Variants in TTC17 observed in about 807,000 individuals in gnomAD.
TTC17 encodes the protein tetratricopeptide repeat domain 17, also known as tetratricopeptide repeat protein 17.
TTC17 carries 58 observed loss-of-function variants against 143.8 expected under a neutral mutation model. The observed-to-expected ratio is 0.40, with a 90% CI of 0.33 to 0.50. The LOEUF (loss-of-function observed/expected upper bound fraction) is 0.50, where lower values mean the gene tolerates loss of function less well. TTC17 is among the 20% of genes least tolerant of loss of function. The pLI is 0.49. For missense variants in TTC17, 1,273 were observed against 1,392.5 expected (o/e 0.91, Z 1.37); for synonymous variants, 501 against 497.8 (o/e 1.01, Z -0.09).
intron 16 of TTC17, among the ~76,000 whole-genome samples, chr11:43,436,000 A>G (rs955270159): frequency 2.6e-5 from 4 of 152,222 alleles, no homozygotes; most frequent in African/African-American, 9.6e-5. Context: ...AATCACAGTA[A>G]TGATCTGGCT....
At chr11:43,423,476 G>A (rs992390970) in intron 16 of TTC17, among the ~76,000 whole-genome samples, 6 of 151,868 alleles carry the variant, frequency 4.0e-5, no homozygotes, top group Admixed American at 6.6e-5. Flanking sequence ...GAAAGAGTGC[G>A]TAAATAGAGG....
intron 15 of TTC17, among the ~76,000 whole-genome samples, chr11:43,410,756 T>C (rs61883557): frequency 0.17 from 26,064 of 152,246 alleles, 2,942 homozygotes; most frequent in Non-Finnish European, 0.24. Context: ...TCCAAATTTA[T>C]TCTTCCCAGT....
At chr11:43,393,558 T>TA (rs530202824) in intron 5 of TTC17, among the ~76,000 whole-genome samples, 202 of 152,242 alleles carry the variant, frequency 1.3e-3, no homozygotes, top group African/African-American at 4.6e-3. Context: ...CATTATTGAC[T>TA]AAAGTATTGG....
At chr11:43,418,436 T>C (rs550198778) in intron 16 of TTC17, among the ~76,000 whole-genome samples, 1 of 152,322 alleles carries the variant, frequency 6.6e-6, no homozygotes, top group East Asian at 1.9e-4. Context: ...TTAAACATCT[T>C]GTTTGGGCAG....
chr11:43,401,757 T>C, intron 10 of TTC17, 199 bp downstream of exon 10: 1 of 462,446 alleles, frequency 2.2e-6, no homozygotes, highest in Non-Finnish European at 3.9e-6. Context: ...GGCAGAAGGA[T>C]CACGAGCCCA....
chr11:43,492,849 T>A (rs1170092521), intron 23 of TTC17, among the ~76,000 whole-genome samples: 1 of 152,232 alleles, frequency 6.6e-6, no homozygotes, highest in Non-Finnish European at 1.5e-5. Flanking sequence ...CCCTAAAAGC[T>A]GTCATAACCC....
chr11:43,389,700 G>A lies in TTC17; in HGVS notation c.298G>A (p.Asp100Asn), dbSNP rs1857304739. Residue 100 changes from aspartate (D) to asparagine (N), a missense_variant, in exon 3 of 24, where the codon GAC becomes AAC. Physicochemically the swap from Asp to Asn is conservative, Grantham distance 23 (BLOSUM62 1). Transcript: ENST00000039989. ...KIHIEENEDR[D>N]TGLEQRHNKE... The stretch of plus-strand genomic sequence containing the variant: ...TCACATAGAAGAGAATGAGGACAGA[G>A]ACACAGGACTGGAACAGAGACATAA... 1.2e-6 allele frequency: 2 copies of A among 1,613,508 alleles called. No individual in the cohort carries two copies. The highest frequency in any genetic ancestry group is 1.7e-6 in the Non-Finnish European group (2 of 1,179,702).
At chr11:43,371,613 G>T (rs1300421327) in intron 1 of TTC17, among the ~76,000 whole-genome samples, 1 of 152,098 alleles carries the variant, frequency 6.6e-6, no homozygotes, top group Non-Finnish European at 1.5e-5. Context: ...TATTACATGG[G>T]CATGATTGGC....
intron 1 of TTC17, among the ~76,000 whole-genome samples, chr11:43,375,514 G>T (rs1288909373): frequency 6.6e-6 from 1 of 151,934 alleles, no homozygotes; most frequent in Non-Finnish European, 1.5e-5. Flanking sequence ...TTTGTCCCTA[G>T]TTTCTAACTT....
chr11:43,491,544 C>G (rs1023145688), intron 22 of TTC17: 1 of 152,864 alleles, frequency 6.5e-6, no homozygotes, highest in Admixed American at 6.5e-5. Context: ...TGATTGTGTC[C>G]TAATAAAACT....
At chr11:43,432,968 T>G (rs747669314) in intron 16 of TTC17, among the ~76,000 whole-genome samples, 3 of 151,146 alleles carry the variant, frequency 2.0e-5, no homozygotes, top group African/African-American at 7.4e-5. Flanking sequence ...ACCGGTCTGG[T>G]TTTTTTTGTT....
chr11:43,379,454 T>C, intron 2 of TTC17, 132 bp downstream of exon 2: 6 of 677,772 alleles, frequency 8.9e-6, no homozygotes, highest in Non-Finnish European at 1.5e-5. Context: ...ATATACTACC[T>C]GCAATGTGTG....
In TTC17 at chr11:43,414,704, A is replaced by T. The variant is rs1410621906; in HGVS notation, c.2179A>T (p.Asn727Tyr). ...KLTTKCPECENSLKLIRCMQF... is the reference protein window; with the variant it reads ...KLTTKCPECEYSLKLIRCMQF... ...AACCACCAAATGTCCAGAGTGTGAA[A>T]ACAGCCTGAAGTTGATCCGCTGTAT... The change falls in exon 16 of 24, where the codon AAC (asparagine) becomes TAC (tyrosine). Residue 727 changes from asparagine (N) to tyrosine (Y), a missense_variant. By Grantham distance (143) the Asn-to-Tyr change is moderately radical (BLOSUM62 -2). Coordinates refer to ENST00000039989, the MANE Select transcript of TTC17 (RefSeq NM_018259.6). 2 of 1,613,690 alleles carry T rather than the reference A, an allele frequency of 1.2e-6. No homozygotes were observed. The highest frequency in any genetic ancestry group is 3.3e-5 in the Admixed American group (2 of 59,958).
At chr11:43,484,006 G>A (rs1276399313) in intron 21 of TTC17, among the ~76,000 whole-genome samples, 3 of 152,158 alleles carry the variant, frequency 2.0e-5, no homozygotes, top group African/African-American at 7.2e-5. Flanking sequence ...GCCAGGCGTG[G>A]TGGTGCAGCC....
At chr11:43,486,550 T>C (rs983783682) in intron 21 of TTC17, 1 of 291,704 alleles carries the variant, frequency 3.4e-6, no homozygotes, top group Non-Finnish European at 7.5e-6. Context: ...GATAGAACTA[T>C]GTTTAAAAGG....
At chr11:43,464,002 G>A (rs1414774828) in intron 21 of TTC17, among the ~76,000 whole-genome samples, 3 of 152,178 alleles carry the variant, frequency 2.0e-5, no homozygotes, top group Non-Finnish European at 4.4e-5. Context: ...TCCACGGGGC[G>A]TGGTGGCTCC....
chr11:43,435,073 AAGATGATAGAT>A (rs1171129320), intron 16 of TTC17: 6 of 145,234 alleles, frequency 4.1e-5, no homozygotes, highest in African/African-American at 1.0e-4. Flanking sequence ...ACACACAGAT[AAGATGATAGAT>A]AGATAGATAG....
At chr11:43,366,775 G>C (rs952067248) in intron 1 of TTC17, among the ~76,000 whole-genome samples, 1 of 151,986 alleles carries the variant, frequency 6.6e-6, no homozygotes, top group East Asian at 1.9e-4. Context: ...CCTTATCTCG[G>C]GTCATCCTTG....
intron 1 of TTC17, 118 bp from the exon 2 acceptor site, chr11:43,379,115 A>G: frequency 1.1e-6 from 1 of 928,244 alleles, no homozygotes; most frequent in Non-Finnish European, 1.7e-6. Context: ...AGTTTTGCTG[A>G]GGAATAACGC....
Sources: allele counts gnomAD v4.1 joint callset (sites outside exome capture counted in the v4.1 genomes callset), GRCh38; gene constraint gnomAD v4.1.1; transcripts MANE v1.5; gene names NCBI Gene and HGNC (gene_info 2026-07-23, HGNC 2026-07-21).